The following GLIS3 variants were observed in gnomAD, a reference collection of about 807,000 sequenced individuals.
GLIS3 encodes GLIS family zinc finger 3.
A neutral mutation model predicts 78.6 loss-of-function variants in GLIS3; 53 were observed. The observed-to-expected ratio is 0.67, with a 90% CI of 0.54 to 0.85. The LOEUF (loss-of-function observed/expected upper bound fraction) is 0.85, where lower values mean the gene tolerates loss of function less well. Among genes scored for constraint, GLIS3 ranks in the 40% least tolerant of loss-of-function variants. The probability of loss-of-function intolerance (pLI) is 0.00; values close to 1 mark genes in which losing one functional copy is unlikely to be tolerated. For synonymous variants in GLIS3, 684 were observed against 509.9 expected (o/e 1.34, Z -4.60); for missense variants, 1,703 against 1,231.1 (o/e 1.38, Z -5.74).
intron 7 of GLIS3, among the ~76,000 whole-genome samples, chr9:3,883,369 A>G (rs1821864815): frequency 1.3e-5 from 2 of 152,212 alleles, no homozygotes; most frequent in Admixed American, 1.3e-4. Flanking sequence ...TTTAAGTCTG[A>G]ATATCTGCCG....
At chr9:4,351,525 G>C (rs1357745525), upstream of GLIS3, among the ~76,000 whole-genome samples, 2 of 151,842 alleles carry the variant, frequency 1.3e-5, no homozygotes, top group African/African-American at 2.4e-5. Context: ...TTCTCTAAGA[G>C]TTCTTTATTA....
At chr9:4,346,315 C>A (rs1455694032) in intron 2 of GLIS3, among the ~76,000 whole-genome samples, 2 of 152,166 alleles carry the variant, frequency 1.3e-5, no homozygotes, top group Admixed American at 1.3e-4. Flanking sequence ...AGCACTTTCT[C>A]CCTGGGGATA....
At position 3,987,784 on chromosome 9, in the gene GLIS3, A is replaced by AAAAAAAAAAAAAAC. The variant is rs1554665966; in HGVS notation, c.1711-50596_1711-50595insGTTTTTTTTTTTTT. On this transcript the variant is annotated intron_variant, in intron 4 of 10. Coordinates refer to ENST00000381971, the MANE Select transcript of GLIS3 (RefSeq NM_001042413.2). ...GGCAAAAAAAAAAAAAAAAAAAAAA[A>AAAAAAAAAAAAAAC]AAAACAAAACACAAACATAAACCTA... Among the ~76,000 whole-genome samples, 4 of 69,546 alleles carry AAAAAAAAAAAAAAC rather than the reference A, an allele frequency of 5.8e-5. 1 individual carries two copies. The highest frequency in any genetic ancestry group is 1.1e-4 in the Non-Finnish European group (4 of 34,808). 45.6% of individuals were successfully genotyped at this position (69,546 alleles called of 152,430 possible).
At chr9:4,447,202 C>T in the GLIS3 span, among the ~76,000 whole-genome samples, 2 of 152,110 alleles carry the variant, frequency 1.3e-5, no homozygotes, top group South Asian at 4.1e-4. Context: ...CATGTGCCAC[C>T]ATGCCTGGCT....
intron 4 of GLIS3, among the ~76,000 whole-genome samples, chr9:4,106,637 C>G (rs940738358): frequency 3.9e-5 from 6 of 152,124 alleles, no homozygotes; most frequent in African/African-American, 1.4e-4. Context: ...AGCAAGCATT[C>G]AGAGAATAGA....
At chr9:4,033,867 A>T (rs906146943) in intron 4 of GLIS3, among the ~76,000 whole-genome samples, 3 of 122,976 alleles carry the variant, frequency 2.4e-5, no homozygotes, top group Admixed American at 7.9e-5. Context: ...CGAAGGATAA[A>T]AAAAAAAAAA....
At chr9:4,063,267 T>C (rs534961853) in intron 4 of GLIS3, among the ~76,000 whole-genome samples, 2 of 152,310 alleles carry the variant, frequency 1.3e-5, no homozygotes, top group East Asian at 3.9e-4. Context: ...TTACCTTTTA[T>C]AAAACATGTA....
intron 2 of GLIS3, among the ~76,000 whole-genome samples, chr9:4,317,902 C>G (rs1356573003): frequency 1.3e-5 from 2 of 152,154 alleles, no homozygotes; most frequent in Non-Finnish European, 2.9e-5. Context: ...CTTCTTCAGC[C>G]TTACTCAAGC....
At chr9:4,133,821 C>T (rs2130948552) in intron 2 of GLIS3, among the ~76,000 whole-genome samples, 1 of 146,174 alleles carries the variant, frequency 6.8e-6, no homozygotes, top group Admixed American at 7.0e-5. Context: ...TGCCCAAGAC[C>T]TTCTACACAC....
At chr9:4,422,194 A>G in the GLIS3 span, among the ~76,000 whole-genome samples, 1 of 152,196 alleles carries the variant, frequency 6.6e-6, no homozygotes, top group African/African-American at 2.4e-5. Context: ...GTATTTCAAC[A>G]CTTTGATGAT....
At chr9:4,007,158 C>A (rs535023516) in intron 4 of GLIS3, among the ~76,000 whole-genome samples, 1 of 152,204 alleles carries the variant, frequency 6.6e-6, no homozygotes, top group African/African-American at 2.4e-5. Context: ...AAACACCCAA[C>A]AGGGTCACAG....
intron 4 of GLIS3, among the ~76,000 whole-genome samples, chr9:4,109,013 G>A (rs1208649370): frequency 6.6e-6 from 1 of 152,132 alleles, no homozygotes. Flanking sequence ...AGAGACATGG[G>A]GTTCTATGGT....
At chr9:4,114,017 G>A (rs1237139520) in intron 4 of GLIS3, among the ~76,000 whole-genome samples, 2 of 70,248 alleles carry the variant, frequency 2.8e-5, no homozygotes, top group Non-Finnish European at 5.8e-5. Context: ...TTTAAGCGGA[G>A]GCCCACGTTC....
chr9:4,011,458 T>C (rs1420736619), intron 4 of GLIS3, among the ~76,000 whole-genome samples: 1 of 152,208 alleles, frequency 6.6e-6, no homozygotes, highest in Non-Finnish European at 1.5e-5. Flanking sequence ...TCTTAGGTCC[T>C]ATTAGCAAGG....
the GLIS3 span, among the ~76,000 whole-genome samples, chr9:4,442,835 C>G: frequency 3.3e-5 from 5 of 151,950 alleles, no homozygotes; most frequent in Non-Finnish European, 7.4e-5. Flanking sequence ...TTCGCTTTCC[C>G]TCTCTATAGA....
the GLIS3 span, among the ~76,000 whole-genome samples, chr9:4,356,389 A>G: frequency 3.9e-5 from 6 of 152,238 alleles, no homozygotes; most frequent in South Asian, 4.1e-4. Context: ...CGACAAAGCA[A>G]TATGATTGAG....
chr9:4,128,239 T>A (rs529584729), intron 2 of GLIS3, among the ~76,000 whole-genome samples: 2 of 152,344 alleles, frequency 1.3e-5, no homozygotes, highest in East Asian at 3.9e-4. Flanking sequence ...CTATATGACC[T>A]CCTCCTCCAC....
At chr9:3,870,194 C>G (rs991367156) in intron 8 of GLIS3, among the ~76,000 whole-genome samples, 1 of 152,070 alleles carries the variant, frequency 6.6e-6, no homozygotes, top group Non-Finnish European at 1.5e-5. Flanking sequence ...AAAATGATAC[C>G]TGTGAGACTA....
At chr9:3,829,681 A>G (rs1436994235) in intron 9 of GLIS3, among the ~76,000 whole-genome samples, 189 bp from the exon 10 acceptor site, 1 of 152,176 alleles carries the variant, frequency 6.6e-6, no homozygotes. Flanking sequence ...TCTACCTTAG[A>G]GGAATTTCCA....
Sources: allele counts gnomAD v4.1 joint callset (sites outside exome capture counted in the v4.1 genomes callset), GRCh38; gene constraint gnomAD v4.1.1; transcripts MANE v1.5; gene names NCBI Gene and HGNC (gene_info 2026-07-23, HGNC 2026-07-21).